Variants in ASIC2 observed in about 807,000 individuals in gnomAD.
ASIC2 encodes acid sensing ion channel subunit 2.
A neutral mutation model predicts 57.3 loss-of-function variants in ASIC2; 25 were observed. That is an observed-to-expected ratio of 0.44 (90% confidence interval 0.32 to 0.61). The LOEUF is 0.61. ASIC2 is among the 20% of genes least tolerant of loss of function. The pLI, the probability that ASIC2 is intolerant of heterozygous loss-of-function variation, is 0.06. For missense variants in ASIC2, 641 were observed against 738.1 expected, an observed-to-expected ratio of 0.87 and a Z score of 1.52; for synonymous variants, 319 against 307.5, an observed-to-expected ratio of 1.04 and a Z score of -0.39.
chr17:33,417,449 T>C (rs184521421), intron 1 of ASIC2, among the ~76,000 whole-genome samples: 168 of 152,334 alleles, frequency 1.1e-3, no homozygotes, highest in African/African-American at 3.8e-3. Flanking sequence ...CGGCCAAGAC[T>C]ACCCGGGAAA....
chr17:33,753,602 T>C (rs1389236175), intron 1 of ASIC2, among the ~76,000 whole-genome samples: 1 of 152,030 alleles, frequency 6.6e-6, no homozygotes, highest in East Asian at 1.9e-4. Flanking sequence ...AGCCGTGTGG[T>C]GGAGGAAGAT....
At chr17:33,093,330 T>G (rs1284011982) in intron 2 of ASIC2, among the ~76,000 whole-genome samples, 1 of 152,070 alleles carries the variant, frequency 6.6e-6, no homozygotes, top group South Asian at 2.1e-4. Context: ...TTTGTCTTAT[T>G]GGCAACTGAT....
At chr17:33,544,855 A>T (rs189319702) in intron 1 of ASIC2, among the ~76,000 whole-genome samples, 2 of 151,362 alleles carry the variant, frequency 1.3e-5, no homozygotes, top group East Asian at 3.9e-4. Context: ...TTTTTTTTTG[A>T]CTCCAGTCCT....
intron 2 of ASIC2, among the ~76,000 whole-genome samples, chr17:33,100,597 G>T (rs1567744671): frequency 6.6e-6 from 1 of 152,166 alleles, no homozygotes; most frequent in African/African-American, 2.4e-5. Context: ...GACTGCAAAT[G>T]CTTGGCACTC....
chr17:33,244,979 T>A (rs762474022), intron 1 of ASIC2, among the ~76,000 whole-genome samples: 2 of 152,218 alleles, frequency 1.3e-5, no homozygotes, highest in Non-Finnish European at 2.9e-5. Flanking sequence ...CTCATCCACA[T>A]AACAAAAGCG....
intron 1 of ASIC2, among the ~76,000 whole-genome samples, chr17:33,327,334 G>C (rs1431943147): frequency 1.3e-5 from 2 of 152,144 alleles, no homozygotes; most frequent in African/African-American, 4.8e-5. Flanking sequence ...AGTTTCCAAG[G>C]CTTGAGATTT....
At chr17:33,539,594 A>T (rs896175307) in intron 1 of ASIC2, among the ~76,000 whole-genome samples, 1 of 152,238 alleles carries the variant, frequency 6.6e-6, no homozygotes, top group African/African-American at 2.4e-5. Flanking sequence ...ATCACCACAT[A>T]TACAGTACAG....
intron 1 of ASIC2, among the ~76,000 whole-genome samples, chr17:33,693,742 A>G (rs1908445120): frequency 6.6e-6 from 1 of 152,220 alleles, no homozygotes; most frequent in Non-Finnish European, 1.5e-5. Context: ...TTGAGGGGCT[A>G]TAAAGAGCCA....
chr17:33,590,227 T>C (rs1904780949), intron 1 of ASIC2, among the ~76,000 whole-genome samples: 1 of 152,216 alleles, frequency 6.6e-6, no homozygotes, highest in Non-Finnish European at 1.5e-5. Context: ...TTCATTCCCC[T>C]GCCTACCTCA....
At chr17:33,072,685 T>C (rs1036407949) in intron 3 of ASIC2, among the ~76,000 whole-genome samples, 2 of 152,136 alleles carry the variant, frequency 1.3e-5, no homozygotes, top group African/African-American at 4.8e-5. Context: ...CAAAGAGGTA[T>C]AGTGATCTGC....
At chr17:33,557,350 G>T (rs1283758884) in intron 1 of ASIC2, among the ~76,000 whole-genome samples, 2 of 152,132 alleles carry the variant, frequency 1.3e-5, no homozygotes, top group Non-Finnish European at 2.9e-5. Flanking sequence ...TGAAATAATT[G>T]TATTCATTCA....
chr17:33,735,577 C>T (rs767216076), intron 1 of ASIC2, among the ~76,000 whole-genome samples: 1 of 152,064 alleles, frequency 6.6e-6, no homozygotes, highest in Non-Finnish European at 1.5e-5. Flanking sequence ...TGGGAAGTGT[C>T]ATAGTTTTGG....
intron 1 of ASIC2, among the ~76,000 whole-genome samples, chr17:34,153,049 C>T (rs1053041558): frequency 2.1e-4 from 32 of 152,326 alleles, no homozygotes; most frequent in African/African-American, 6.7e-4. Context: ...TTCCCTGGGA[C>T]TTTTACCCTC....
At chr17:33,862,446 A>G (rs1251006927) in intron 1 of ASIC2, among the ~76,000 whole-genome samples, 2 of 152,206 alleles carry the variant, frequency 1.3e-5, no homozygotes, top group African/African-American at 2.4e-5. Flanking sequence ...ATATATTTAT[A>G]GGGTATAGAT....
intron 1 of ASIC2, among the ~76,000 whole-genome samples, chr17:33,799,305 C>T (rs1166944210): frequency 6.6e-6 from 1 of 151,224 alleles, no homozygotes; most frequent in Admixed American, 6.6e-5. Flanking sequence ...TCCTCTTTCC[C>T]TCCCTCCCTG....
At chr17:33,212,588 A>G (rs887157657) in intron 1 of ASIC2, among the ~76,000 whole-genome samples, 15 of 152,208 alleles carry the variant, frequency 9.9e-5, no homozygotes, top group Admixed American at 1.3e-4. Flanking sequence ...GGAAACACAC[A>G]CTTTCCAAAG....
intron 1 of ASIC2, among the ~76,000 whole-genome samples, chr17:33,656,789 C>G (rs1907091583): frequency 6.6e-6 from 1 of 152,178 alleles, no homozygotes; most frequent in African/African-American, 2.4e-5. Flanking sequence ...GTTTCTCTAA[C>G]AAGCTTATTT....
chr17:33,414,613 T>A (rs539498834), intron 1 of ASIC2, among the ~76,000 whole-genome samples: 1 of 152,212 alleles, frequency 6.6e-6, no homozygotes, highest in African/African-American at 2.4e-5. Context: ...ATGTGCCCAC[T>A]GAGGCCATTG....
rs1041849845 is a variant in ASIC2 at position 33,320,491 on chromosome 17, C to T, written c.556-208424G>A. On this transcript the variant is annotated intron_variant, in intron 1 of 9. Transcript: ENST00000359872. ...AGACCTAGGGAAGGTGGTGGGATTG[C>T]CCGAAGTCAGGGAGCCAGTTGGAGA... Among the ~76,000 whole-genome samples, 3 of 152,168 alleles carry T rather than the reference C, an allele frequency of 2.0e-5. No homozygotes were observed. The East Asian group carries it at 5.8e-4, about 29-fold the overall frequency.
Sources: allele counts gnomAD v4.1 joint callset (sites outside exome capture counted in the v4.1 genomes callset), GRCh38; gene constraint gnomAD v4.1.1; transcripts MANE v1.5; gene names NCBI Gene and HGNC (gene_info 2026-07-23, HGNC 2026-07-21).